MACROD2: variants seen among roughly 807,000 people sequenced by gnomAD.
MACROD2 encodes mono-ADP ribosylhydrolase 2.
Under a neutral mutation model 70.4 loss-of-function variants are expected in MACROD2, and 36 were observed. That is an observed-to-expected ratio of 0.51 (90% CI 0.39 to 0.68). The LOEUF (loss-of-function observed/expected upper bound fraction) is 0.68, where lower values mean the gene tolerates loss of function less well. Ranked by LOEUF, MACROD2 falls within the 30% of genes least tolerant of loss-of-function variation. The probability of loss-of-function intolerance (pLI) is 0.00; values close to 1 mark genes in which losing one functional copy is unlikely to be tolerated. For synonymous variants in MACROD2, 172 were observed against 178.8 expected (o/e 0.96, Z 0.30); for missense variants, 496 against 538.4 (o/e 0.92, Z 0.78).
In MACROD2 at chr20:14,002,318, G is replaced by T. The variant is rs1384844958; in HGVS notation, c.77G>T (p.Arg26Ile). The stretch of plus-strand genomic sequence containing the variant: ...TTATTGAAGATGACCTTAGAAGAGA[G>T]ACGCAAAGAATACCTAAGAGACTAT... ...ERLLKMTLEE[R>I]RKEYLRDYIP... Residue 26 changes from arginine (R) to isoleucine (I), a missense_variant, in exon 2 of 18, where the codon AGA becomes ATA. Coordinates refer to ENST00000684519, the MANE Select transcript of MACROD2 (RefSeq NM_001351661.2). The T allele has an allele frequency of 6.2e-7, 1 of 1,608,440 alleles. No homozygotes were observed. The highest frequency in any genetic ancestry group is 2.2e-5 in the East Asian group (1 of 44,638).
At chr20:15,650,202 T>G (rs747687595) in intron 8 of MACROD2, among the ~76,000 whole-genome samples, 72 of 152,170 alleles carry the variant, frequency 4.7e-4, no homozygotes, top group Non-Finnish European at 7.3e-5. Context: ...GGCTCAGCAA[T>G]GCCAGCTTTA....
At chr20:15,065,950 A>G (rs1358198637) in intron 5 of MACROD2, among the ~76,000 whole-genome samples, 2 of 152,066 alleles carry the variant, frequency 1.3e-5, no homozygotes, top group African/African-American at 4.8e-5. Context: ...TCTGTCATCC[A>G]GCTGATGTGG....
intron 3 of MACROD2, among the ~76,000 whole-genome samples, chr20:14,131,060 G>A (rs541169195): frequency 6.6e-6 from 1 of 151,968 alleles, no homozygotes; most frequent in African/African-American, 2.4e-5. Flanking sequence ...GAATAGCTGG[G>A]ACTGCAGGAA....
intron 2 of MACROD2, among the ~76,000 whole-genome samples, chr20:14,044,239 C>A (rs965255684): frequency 6.6e-6 from 1 of 150,866 alleles, no homozygotes; most frequent in African/African-American, 2.4e-5. Context: ...TAAGGCGGTG[C>A]GTGTGGAGTT....
intron 8 of MACROD2, among the ~76,000 whole-genome samples, chr20:15,710,213 A>AAAAAAAC (rs2050606103): frequency 7.3e-6 from 1 of 136,822 alleles, no homozygotes. Flanking sequence ...AAAAAAAAAA[A>AAAAAAAC]CAATTGCGGG....
chr20:15,406,858 G>A (rs367781967), intron 6 of MACROD2, among the ~76,000 whole-genome samples: 78 of 152,284 alleles, frequency 5.1e-4, no homozygotes, highest in African/African-American at 1.8e-3. Flanking sequence ...ATCATGCGAC[G>A]TGTCGAGTCT....
chr20:14,468,521 G>T (rs1168073921), intron 3 of MACROD2, among the ~76,000 whole-genome samples: 1 of 149,010 alleles, frequency 6.7e-6, no homozygotes, highest in Non-Finnish European at 1.5e-5. Flanking sequence ...TTTTTTGGGG[G>T]GGGGCGTTGG....
At chr20:14,641,703 G>GA (rs985153559) in intron 4 of MACROD2, among the ~76,000 whole-genome samples, 1 of 152,066 alleles carries the variant, frequency 6.6e-6, no homozygotes, top group African/African-American at 2.4e-5. Flanking sequence ...GTAATGTTTT[G>GA]AAAAAAATCT....
At chr20:14,717,269 G>A (rs1040119158) in intron 5 of MACROD2, among the ~76,000 whole-genome samples, 4 of 152,246 alleles carry the variant, frequency 2.6e-5, no homozygotes, top group East Asian at 3.9e-4. Context: ...TGACAAGTTC[G>A]TTTCCTGGTG....
At chr20:14,523,167 AG>A (rs1203388401) in intron 4 of MACROD2, among the ~76,000 whole-genome samples, 2 of 152,204 alleles carry the variant, frequency 1.3e-5, no homozygotes, top group South Asian at 4.2e-4. Context: ...AAGGAAGCAA[AG>A]GGATAGTTAC....
rs148879140 is a variant in MACROD2 at position 14,826,262 on chromosome 20, C to A, written c.418+141303C>A. Among the ~76,000 whole-genome samples, 645 of 151,852 alleles carry A rather than the reference C, an allele frequency of 4.2e-3. 9 individuals are homozygous for A. Among genetic ancestry groups the A allele is most frequent in the African/African-American group, 0.014 (598 of 41,452 alleles). On this transcript the variant is annotated intron_variant, in intron 5 of 17. Coordinates refer to ENST00000684519, the MANE Select transcript of MACROD2 (RefSeq NM_001351661.2). ...GAAACACAAGCCTGAACCCACAATA[C>A]CCATGCATTGACTCCCAAGAAAACA...
intron 8 of MACROD2, among the ~76,000 whole-genome samples, chr20:15,623,694 A>G (rs2049160442): frequency 1.3e-5 from 2 of 151,576 alleles, no homozygotes; most frequent in Non-Finnish European, 1.5e-5. Flanking sequence ...CTATCTATCT[A>G]TCTATCTATC....
chr20:14,149,638 T>C (rs1038192730), intron 3 of MACROD2, among the ~76,000 whole-genome samples: 4 of 152,204 alleles, frequency 2.6e-5, no homozygotes, highest in African/African-American at 7.2e-5. Flanking sequence ...CATAGCCTTA[T>C]AGCCAATGTG....
At chr20:14,612,840 G>A (rs377236279) in intron 4 of MACROD2, among the ~76,000 whole-genome samples, 24 of 152,050 alleles carry the variant, frequency 1.6e-4, no homozygotes, top group African/African-American at 5.1e-4. Context: ...GGAAACAAAG[G>A]GAGGAAAAAA....
At chr20:15,284,463 G>A (rs2077473942) in intron 6 of MACROD2, among the ~76,000 whole-genome samples, 1 of 152,122 alleles carries the variant, frequency 6.6e-6, no homozygotes, top group African/African-American at 2.4e-5. Flanking sequence ...GTGTGGGGGA[G>A]GTGGGGAGTT....
chr20:15,051,983 C>G (rs2075445742), intron 5 of MACROD2, among the ~76,000 whole-genome samples: 1 of 152,126 alleles, frequency 6.6e-6, no homozygotes, highest in African/African-American at 2.4e-5. Flanking sequence ...GACCTTTTGA[C>G]CTTGTGATCC....
At chr20:14,154,716 A>G (rs904302041) in intron 3 of MACROD2, among the ~76,000 whole-genome samples, 3 of 151,968 alleles carry the variant, frequency 2.0e-5, no homozygotes, top group East Asian at 3.9e-4. Context: ...CCAGCCTAGT[A>G]ATACCTTTTT....
At chr20:14,191,880 G>T (rs1030324210) in intron 3 of MACROD2, among the ~76,000 whole-genome samples, 1 of 151,812 alleles carries the variant, frequency 6.6e-6, no homozygotes, top group African/African-American at 2.4e-5. Flanking sequence ...TGAGGACTTT[G>T]CCCTGAATGA....
intron 3 of MACROD2, among the ~76,000 whole-genome samples, chr20:14,450,504 A>G (rs1426305635): frequency 2.0e-5 from 3 of 152,116 alleles, no homozygotes; most frequent in African/African-American, 7.3e-5. Context: ...TCAGCCTCAT[A>G]TCTTCAGTGG....
Sources: allele counts gnomAD v4.1 joint callset (sites outside exome capture counted in the v4.1 genomes callset), GRCh38; gene constraint gnomAD v4.1.1; transcripts MANE v1.5; gene names NCBI Gene and HGNC (gene_info 2026-07-23, HGNC 2026-07-21).